Variants in GLIS3 observed in about 807,000 individuals in gnomAD.
GLIS3 encodes the protein GLIS family zinc finger 3.
In GLIS3, 53 loss-of-function variants were observed where a neutral mutation model predicts 78.6. The ratio of observed to expected loss-of-function variants is 0.67; its 90% CI spans 0.54 to 0.85. The LOEUF is 0.85. GLIS3 is among the 40% of genes least tolerant of loss of function. The probability of loss-of-function intolerance (pLI) is 0.00; values close to 1 mark genes in which losing one functional copy is unlikely to be tolerated. For missense variants in GLIS3, 1,703 were observed against 1,231.1 expected (o/e 1.38, Z -5.74); for synonymous variants, 684 against 509.9 (o/e 1.34, Z -4.60).
At chr9:4,469,709 C>G in the GLIS3 span, among the ~76,000 whole-genome samples, 3 of 152,170 alleles carry the variant, frequency 2.0e-5, no homozygotes, top group Admixed American at 2.0e-4. Context: ...GACAACCTAA[C>G]ATCACAATTA....
intron 2 of GLIS3, among the ~76,000 whole-genome samples, chr9:4,256,736 T>C (rs1824979085): frequency 6.6e-6 from 1 of 152,174 alleles, no homozygotes; most frequent in African/African-American, 2.4e-5. Flanking sequence ...GAATGAGTAA[T>C]TACACAGTAG....
chr9:4,302,877 TG>T (rs1257168086), upstream of GLIS3, among the ~76,000 whole-genome samples: 1 of 152,156 alleles, frequency 6.6e-6, no homozygotes, highest in Admixed American at 6.5e-5. Context: ...TGGAGTAGCT[TG>T]GCTGTTTGAG....
chr9:4,318,119 G>C (rs1338872919), intron 2 of GLIS3, among the ~76,000 whole-genome samples: 1 of 152,154 alleles, frequency 6.6e-6, no homozygotes, highest in South Asian at 2.1e-4. Context: ...TGCATGCTTT[G>C]AACAAATGTA....
At chr9:4,310,314 C>T (rs1448826899) in intron 3 of GLIS3, 1 of 152,036 alleles carries the variant, frequency 6.6e-6, no homozygotes, top group African/African-American at 2.4e-5. Flanking sequence ...GGTATAATCC[C>T]TCTTCTATAC....
At chr9:4,092,564 AAAGT>A (rs753735164) in intron 4 of GLIS3, among the ~76,000 whole-genome samples, 1 of 152,132 alleles carries the variant, frequency 6.6e-6, no homozygotes, top group Non-Finnish European at 1.5e-5. Flanking sequence ...TTTTTGTTGA[AAAGT>A]AAGACATGAA....
intron 1 of GLIS3, among the ~76,000 whole-genome samples, chr9:4,298,658 G>A (rs1196705874): frequency 6.6e-6 from 1 of 152,138 alleles, no homozygotes; most frequent in Non-Finnish European, 1.5e-5. Flanking sequence ...TCCAAACAGT[G>A]CTGACATTTT....
At chr9:3,980,327 C>T (rs1819150922) in intron 4 of GLIS3, among the ~76,000 whole-genome samples, 2 of 152,202 alleles carry the variant, frequency 1.3e-5, no homozygotes, top group Admixed American at 1.3e-4. Context: ...AGAAGTGATA[C>T]ACCAAGAGGA....
the GLIS3 span, among the ~76,000 whole-genome samples, chr9:4,433,765 C>T: frequency 6.6e-6 from 1 of 152,228 alleles, no homozygotes. Flanking sequence ...ACAGAAATCC[C>T]TGCTTCCACT....
intron 2 of GLIS3, among the ~76,000 whole-genome samples, chr9:4,167,502 G>C (rs1815969414): frequency 6.6e-6 from 1 of 152,190 alleles, no homozygotes; most frequent in Admixed American, 6.5e-5. Context: ...CACTTGAAGA[G>C]AGGACAGTGT....
At chr9:4,405,928 T>C in the GLIS3 span, among the ~76,000 whole-genome samples, 1 of 152,230 alleles carries the variant, frequency 6.6e-6, no homozygotes, top group African/African-American at 2.4e-5. Context: ...CGTCCATCAA[T>C]GTGACACATC....
At chr9:4,443,199 C>A in the GLIS3 span, among the ~76,000 whole-genome samples, 2 of 152,206 alleles carry the variant, frequency 1.3e-5, no homozygotes, top group Non-Finnish European at 2.9e-5. Flanking sequence ...TTTCTAGTAA[C>A]AAGCTACTGT....
At chr9:4,239,147 T>C (rs1426276740) in intron 2 of GLIS3, among the ~76,000 whole-genome samples, 2 of 124,000 alleles carry the variant, frequency 1.6e-5, no homozygotes, top group East Asian at 2.4e-4. Flanking sequence ...GCAATAAACA[T>C]ACATGTGCAT....
chr9:4,422,062 T>C, the GLIS3 span, among the ~76,000 whole-genome samples: 2,575 of 152,346 alleles, frequency 0.017, 59 homozygotes, highest in African/African-American at 0.059. Flanking sequence ...CAAGTTACAG[T>C]GTTTGCAGAT....
chr9:4,417,565 C>A, the GLIS3 span, among the ~76,000 whole-genome samples: 1 of 152,100 alleles, frequency 6.6e-6, no homozygotes, highest in Admixed American at 6.6e-5. Context: ...TAATGTCAAC[C>A]AATGTTGTAA....
At chr9:4,253,861 G>A (rs1215508440) in intron 2 of GLIS3, among the ~76,000 whole-genome samples, 2 of 152,134 alleles carry the variant, frequency 1.3e-5, no homozygotes, top group African/African-American at 2.4e-5. Flanking sequence ...CTAGGGGAGG[G>A]AGTTCCCTGA....
intron 6 of GLIS3, chr9:3,900,704 TA>T (rs1554643084): frequency 6.6e-6 from 1 of 152,164 alleles, no homozygotes; most frequent in Non-Finnish European, 1.5e-5. Flanking sequence ...GATAATTACA[TA>T]AAAATACACA....
chr9:4,206,307 A>G (rs1819875020), intron 2 of GLIS3, among the ~76,000 whole-genome samples: 1 of 152,208 alleles, frequency 6.6e-6, no homozygotes, highest in Non-Finnish European at 1.5e-5. Flanking sequence ...AGAGGCTGTA[A>G]TGAGGGTGTT....
intron 4 of GLIS3, among the ~76,000 whole-genome samples, chr9:4,043,097 C>G (rs1036398288): frequency 1.3e-5 from 2 of 152,174 alleles, no homozygotes; most frequent in African/African-American, 4.8e-5. Flanking sequence ...CTGTGGTTCT[C>G]TGCATTCACA....
intron 8 of GLIS3, among the ~76,000 whole-genome samples, chr9:3,871,191 G>A (rs1820947262): frequency 6.6e-6 from 1 of 152,154 alleles, no homozygotes; most frequent in Non-Finnish European, 1.5e-5. Context: ...CATGGTCTTG[G>A]GCAGCTCCAC....
Sources: allele counts gnomAD v4.1 joint callset (sites outside exome capture counted in the v4.1 genomes callset), GRCh38; gene constraint gnomAD v4.1.1; transcripts MANE v1.5; gene names NCBI Gene and HGNC (gene_info 2026-07-23, HGNC 2026-07-21).